The following ANXA4 variants were observed in gnomAD, a reference collection of about 807,000 sequenced individuals.
ANXA4 encodes the protein annexin A4, also known as 35-beta calcimedin.
ANXA4 carries 39 observed loss-of-function variants against 49.8 expected under a neutral mutation model. That is an observed-to-expected ratio of 0.78 (90% CI 0.61 to 1.02). ANXA4 has a LOEUF of 1.02. Among genes scored for constraint, ANXA4 ranks in the 50% least tolerant of loss-of-function variants. The pLI is 0.00. For synonymous variants in ANXA4, 134 were observed against 152.5 expected, an observed-to-expected ratio of 0.88 and a Z score of 0.89; for missense variants, 360 against 410.1, an observed-to-expected ratio of 0.88 and a Z score of 1.05.
Position 69,820,780 on chromosome 2 carries a change from T to G in ANXA4, c.865T>G (p.Phe289Val). The G allele has an allele frequency of 6.2e-7, 1 of 1,614,164 alleles. No individual in the cohort carries two copies. The highest frequency in any genetic ancestry group is 1.6e-4 in the Middle Eastern group (1 of 6,062). ...EIDMLDIRAH[F>V]KRLYGKSLYS... is the part of the protein sequence containing the mutation. ...TGACATGTTGGATATCCGGGCACAC[T>G]TCAAGAGACTCTATGGAAAGTCTCT... Residue 289 changes from phenylalanine to valine, a missense_variant, in exon 12 of 13, where the codon TTC (phenylalanine) becomes GTC (valine). By Grantham distance (50) the Phe-to-Val change is conservative. Transcript: ENST00000394295.
intron 1 of ANXA4, among the ~76,000 whole-genome samples, chr2:69,743,468 T>G (rs1273789061): frequency 1.3e-5 from 2 of 152,166 alleles, no homozygotes. Context: ...TCCACCTGCC[T>G]TAGCCTCCCA....
intron 1 of ANXA4, among the ~76,000 whole-genome samples, chr2:69,757,540 TGG>T (rs1168662206): frequency 6.6e-6 from 1 of 151,036 alleles, no homozygotes; most frequent in Non-Finnish European, 1.5e-5. Flanking sequence ...CCCAAAGTTC[TGG>T]GGTTACAGGT....
chr2:69,786,531 T>C (rs1237704110), intron 2 of ANXA4, among the ~76,000 whole-genome samples: 1 of 152,182 alleles, frequency 6.6e-6, no homozygotes, highest in Non-Finnish European at 1.5e-5. Context: ...ACAAACTCCT[T>C]ACCTGGTTTG....
chr2:69,783,458 G>T (rs1453702178), intron 2 of ANXA4, among the ~76,000 whole-genome samples: 1 of 152,066 alleles, frequency 6.6e-6, no homozygotes, highest in Non-Finnish European at 1.5e-5. Context: ...CTCATGATCT[G>T]CCCGCCTCGG....
At chr2:69,740,680 C>CTTTTTTTTTTT (rs3077548), upstream of ANXA4, among the ~76,000 whole-genome samples, 12 of 75,762 alleles carry the variant, frequency 1.6e-4, 2 homozygotes, top group Admixed American at 1.0e-3. Context: ...CTTTCTTCCT[C>CTTTTTTTTTTT]TTTTTTTTTT....
chr2:69,708,338 C>G (rs910812298), intron 2 of ANXA4, among the ~76,000 whole-genome samples: 1 of 152,162 alleles, frequency 6.6e-6, no homozygotes, highest in Admixed American at 6.5e-5. Flanking sequence ...TCTACGGACA[C>G]GACTAGCCAG....
intron 1 of ANXA4, among the ~76,000 whole-genome samples, chr2:69,750,932 A>G (rs1670813910): frequency 6.6e-6 from 1 of 151,766 alleles, no homozygotes; most frequent in African/African-American, 2.4e-5. Flanking sequence ...CAGCCAGACT[A>G]TGTCTTAGTC....
intron 3 of ANXA4, among the ~76,000 whole-genome samples, chr2:69,721,933 A>G (rs1164931891): frequency 6.6e-6 from 1 of 152,218 alleles, no homozygotes; most frequent in Non-Finnish European, 1.5e-5. Context: ...AGATGGTGAA[A>G]GGTTTGGATT....
chr2:69,715,954 A>G (rs1354936851), intron 2 of ANXA4, among the ~76,000 whole-genome samples: 7 of 152,172 alleles, frequency 4.6e-5, no homozygotes, highest in Non-Finnish European at 2.9e-5. Flanking sequence ...CCCTCTAGTC[A>G]TGGGCCAAGT....
At chr2:69,791,757 C>A (rs1158799820) in intron 3 of ANXA4, among the ~76,000 whole-genome samples, 3 of 152,162 alleles carry the variant, frequency 2.0e-5, no homozygotes, top group Non-Finnish European at 4.4e-5. Context: ...GTTAAAGTCC[C>A]ATGGCTTGAT....
At position 69,772,922 on chromosome 2, in the gene ANXA4, C is replaced by T. The variant is rs201899546; in HGVS notation, c.-46-8598C>T. Among the ~76,000 whole-genome samples, 30 of 151,882 alleles carry T rather than the reference C, an allele frequency of 2.0e-4. No homozygotes were observed. The East Asian group carries it at 5.8e-3, about 29-fold the overall frequency. ...ATCCAAGCTACTTGGGAGGCTGAGGCAGGAGAATCACTTGAACCCGGGAGG... is the reference window on the plus strand; with the variant it reads ...ATCCAAGCTACTTGGGAGGCTGAGGTAGGAGAATCACTTGAACCCGGGAGG... On this transcript the variant is annotated intron_variant, in intron 1 of 12. Coordinates refer to ENST00000394295, the MANE Select transcript of ANXA4 (RefSeq NM_001153.5).
intron 2 of ANXA4, among the ~76,000 whole-genome samples, chr2:69,656,643 C>A (rs570463643): frequency 6.7e-6 from 1 of 149,580 alleles, no homozygotes; most frequent in South Asian, 2.1e-4. Context: ...ACCTCCACCT[C>A]CTGGGTTCAA....
intron 3 of ANXA4, among the ~76,000 whole-genome samples, chr2:69,733,839 T>C (rs535502005): frequency 2.6e-5 from 4 of 152,350 alleles, no homozygotes; most frequent in South Asian, 2.1e-4. Context: ...TTAGGTGTTA[T>C]GTTTTTTATG....
At chr2:69,812,027 T>A (rs758735174) in intron 7 of ANXA4, among the ~76,000 whole-genome samples, 4 of 152,106 alleles carry the variant, frequency 2.6e-5, no homozygotes, top group Non-Finnish European at 4.4e-5. Context: ...TGAGCTGGTG[T>A]TGGTGAGGGG....
At chr2:69,818,335 T>C in intron 9 of ANXA4, 1 of 240,436 alleles carries the variant, frequency 4.2e-6, no homozygotes, top group Non-Finnish European at 8.0e-6. Flanking sequence ...AGAGGCCATC[T>C]CCATTTTATG....
chr2:69,666,705 A>C lies in ANXA4; in HGVS notation n.766+13423A>C, dbSNP rs181405393. Among the ~76,000 whole-genome samples, 669 of 152,342 alleles carry C rather than the reference A, an allele frequency of 4.4e-3. 6 individuals are homozygous for C. The highest frequency in any genetic ancestry group is 6.7e-3 in the Non-Finnish European group (456 of 68,026). On this transcript the variant is annotated intron_variant and non_coding_transcript_variant, in intron 2 of 3. Transcript: ENST00000418066. Reference sequence around the variant, plus strand: ...TACTACAACATGGATGAATCTTTAAAGCATTATGCTAAGTGAAAGAAGCCA... The same window carrying C: ...TACTACAACATGGATGAATCTTTAACGCATTATGCTAAGTGAAAGAAGCCA...
intron 2 of ANXA4, among the ~76,000 whole-genome samples, chr2:69,705,927 G>T (rs1469649821): frequency 1.3e-5 from 2 of 151,970 alleles, no homozygotes; most frequent in Non-Finnish European, 2.9e-5. Flanking sequence ...GCAAGACTTT[G>T]TCTCAAAAAA....
At chr2:69,758,613 C>A (rs1051986078) in intron 1 of ANXA4, among the ~76,000 whole-genome samples, 1 of 152,016 alleles carries the variant, frequency 6.6e-6, no homozygotes, top group African/African-American at 2.4e-5. Flanking sequence ...CAGAGTGAGA[C>A]CCTGTTTCTT....
intron 2 of ANXA4, among the ~76,000 whole-genome samples, chr2:69,694,906 G>A (rs761802953): frequency 1.1e-4 from 16 of 152,068 alleles, no homozygotes; most frequent in African/African-American, 1.9e-4. Flanking sequence ...GATTACAGGC[G>A]TAAGCCACCA....
Sources: gnomAD v4.1 joint callset for allele counts (sites outside exome capture counted in the v4.1 genomes callset) on GRCh38, gnomAD v4.1.1 for gene constraint, MANE v1.5 for transcripts, NCBI Gene and HGNC (gene_info 2026-07-23, HGNC 2026-07-21) for gene names.